The following RGS20 variants were observed in gnomAD, a reference collection of about 807,000 sequenced individuals.
RGS20 encodes the protein gz-selective GTPase-activating protein.
A neutral mutation model predicts 33.6 loss-of-function variants in RGS20; 30 were observed. The ratio of observed to expected loss-of-function variants is 0.89; its 90% CI spans 0.67 to 1.21. The LOEUF is 1.21. RGS20 is among the 50% of genes most tolerant of loss of function. The pLI is 0.00. For synonymous variants in RGS20, 208 were observed against 197.9 expected, an observed-to-expected ratio of 1.05 and a Z score of -0.43; for missense variants, 472 against 502.4, an observed-to-expected ratio of 0.94 and a Z score of 0.58.
At chr8:53,918,611 C>G (rs1356723096) in intron 2 of RGS20, among the ~76,000 whole-genome samples, 2 of 152,138 alleles carry the variant, frequency 1.3e-5, no homozygotes, top group African/African-American at 4.8e-5. Context: ...TGGTCTCGAA[C>G]TCCTGACCTC....
intron 4 of RGS20, among the ~76,000 whole-genome samples, chr8:53,947,434 ATAG>A (rs1219326985): frequency 7.1e-6 from 1 of 140,330 alleles, no homozygotes; most frequent in Non-Finnish European, 1.5e-5. Flanking sequence ...TATATATGAT[ATAG>A]TATATACATT....
intron 2 of RGS20, chr8:53,879,704 G>GCCCCAA: frequency 1.9e-6 from 2 of 1,031,946 alleles, no homozygotes; most frequent in Non-Finnish European, 2.7e-6. Flanking sequence ...GCTGGGGCTA[G>GCCCCAA]CAGTAGGGAG....
intron 1 of RGS20, chr8:53,852,146 C>A: frequency 7.8e-7 from 1 of 1,277,842 alleles, no homozygotes; most frequent in Non-Finnish European, 1.1e-6. Context: ...TATACTCAAG[C>A]TTTAGTGCCA....
intron 1 of RGS20, among the ~76,000 whole-genome samples, chr8:53,875,328 AG>A (rs1812176377): frequency 6.7e-6 from 1 of 149,182 alleles, no homozygotes; most frequent in Non-Finnish European, 1.5e-5. Context: ...GCTACTAAGG[AG>A]GCTGAGGCAG....
chr8:53,915,479 C>T (rs995529128), intron 2 of RGS20, among the ~76,000 whole-genome samples: 1 of 152,180 alleles, frequency 6.6e-6, no homozygotes, highest in African/African-American at 2.4e-5. Context: ...AGTCATACAG[C>T]TCTGGGGTTC....
intron 2 of RGS20, among the ~76,000 whole-genome samples, chr8:53,923,771 G>C (rs1406422696): frequency 6.6e-6 from 1 of 152,048 alleles, no homozygotes; most frequent in Non-Finnish European, 1.5e-5. Context: ...TTCTAAATTA[G>C]TCCTTCAGTA....
chr8:53,941,983 A>G (rs1445293810), intron 3 of RGS20, among the ~76,000 whole-genome samples: 1 of 152,176 alleles, frequency 6.6e-6, no homozygotes, highest in African/African-American at 2.4e-5. Context: ...CCACCTTAAA[A>G]AAAAGATCAG....
chr8:53,856,950 T>TG (rs1811687755), intron 1 of RGS20, among the ~76,000 whole-genome samples: 1 of 152,008 alleles, frequency 6.6e-6, no homozygotes, highest in Non-Finnish European at 1.5e-5. Context: ...GAGCCTTGTG[T>TG]GATGAAAATG....
At chr8:53,854,947 A>C (rs1811639965) in intron 1 of RGS20, among the ~76,000 whole-genome samples, 1 of 152,258 alleles carries the variant, frequency 6.6e-6, no homozygotes, top group Non-Finnish European at 1.5e-5. Flanking sequence ...ACTAAAAGGA[A>C]TGAACTACTA....
chr8:53,936,411 C>A (rs1814137535), intron 2 of RGS20, among the ~76,000 whole-genome samples: 1 of 152,148 alleles, frequency 6.6e-6, no homozygotes, highest in East Asian at 1.9e-4. Context: ...TCTCAGGATA[C>A]AAAATCAATG....
At chr8:53,894,602 G>A (rs747364739) in intron 2 of RGS20, among the ~76,000 whole-genome samples, 3 of 152,228 alleles carry the variant, frequency 2.0e-5, no homozygotes, top group Non-Finnish European at 4.4e-5. Context: ...TCCATCGAAT[G>A]TGGCCCATGT....
intron 2 of RGS20, among the ~76,000 whole-genome samples, chr8:53,911,772 C>G (rs1278678263): frequency 6.6e-6 from 1 of 152,010 alleles, no homozygotes; most frequent in Non-Finnish European, 1.5e-5. Context: ...AACCCCATCT[C>G]TACTAAAAAT....
At chr8:53,901,970 G>A (rs532893240) in intron 2 of RGS20, among the ~76,000 whole-genome samples, 123 of 152,216 alleles carry the variant, frequency 8.1e-4, no homozygotes, top group African/African-American at 2.8e-3. Context: ...CATTCTCATC[G>A]CTGAATAATA....
chr8:53,881,045 CG>C, intron 2 of RGS20: 2 of 1,563,516 alleles, frequency 1.3e-6, no homozygotes, highest in Non-Finnish European at 8.6e-7. Flanking sequence ...GCGAGCCGGC[CG>C]GGGCTTCCTC....
intron 2 of RGS20, among the ~76,000 whole-genome samples, chr8:53,884,191 C>CTTT (rs4014055): frequency 0.055 from 5,695 of 103,212 alleles, 675 homozygotes; most frequent in East Asian, 0.25. Flanking sequence ...GAAAAACAGT[C>CTTT]TTTTTTTTTT....
chr8:53,948,443 T>C (rs1190657535), intron 4 of RGS20, among the ~76,000 whole-genome samples: 10 of 141,878 alleles, frequency 7.0e-5, no homozygotes, highest in African/African-American at 2.6e-4. Flanking sequence ...ACAGTATATA[T>C]TTACATATGC....
chr8:53,936,698 C>T (rs141802978), intron 2 of RGS20, among the ~76,000 whole-genome samples: 115 of 152,270 alleles, frequency 7.6e-4, no homozygotes, highest in African/African-American at 2.4e-3. Context: ...AGATTCAATG[C>T]CGTCCCCATC....
chr8:53,866,718 C>T (rs1172829720), intron 1 of RGS20, among the ~76,000 whole-genome samples: 3 of 151,956 alleles, frequency 2.0e-5, no homozygotes, highest in Non-Finnish European at 4.4e-5. Context: ...TCATCTGTAA[C>T]GTGGGGAATG....
chr8:53,924,611 A>T (rs1245076137), intron 2 of RGS20, among the ~76,000 whole-genome samples: 1 of 152,174 alleles, frequency 6.6e-6, no homozygotes, highest in African/African-American at 2.4e-5. Context: ...GGCATGAGCC[A>T]CCATGCCCAG....
Sources: gnomAD v4.1 joint callset for allele counts (sites outside exome capture counted in the v4.1 genomes callset) on GRCh38, gnomAD v4.1.1 for gene constraint, MANE v1.5 for transcripts, NCBI Gene and HGNC (gene_info 2026-07-23, HGNC 2026-07-21) for gene names.